Variants in TMEM114 observed in about 807,000 individuals in gnomAD.
TMEM114 encodes claudin-26.
A neutral mutation model predicts 6.2 loss-of-function variants in TMEM114; 6 were observed. The ratio of observed to expected loss-of-function variants is 0.97; its 90% CI spans 0.53 to 1.91. The LOEUF (loss-of-function observed/expected upper bound fraction) is 1.91, where lower values mean the gene tolerates loss of function less well. Among genes scored for constraint, TMEM114 ranks in the 40% most tolerant of loss-of-function variants. The pLI is 0.01. For missense variants in TMEM114, 218 were observed against 158.3 expected (o/e 1.38, Z -2.02); for synonymous variants, 104 against 73.0 (o/e 1.42, Z -2.16).
At chr16:8,532,300 G>A in the TMEM114 span, among the ~76,000 whole-genome samples, 1 of 152,092 alleles carries the variant, frequency 6.6e-6, no homozygotes, top group Non-Finnish European at 1.5e-5. Context: ...TCTGCCTCTA[G>A]CCCTCTGTGT....
At chr16:8,583,670 C>T (rs1902224970) in intron 2 of TMEM114, among the ~76,000 whole-genome samples, 1 of 152,002 alleles carries the variant, frequency 6.6e-6, no homozygotes, top group Non-Finnish European at 1.5e-5. Flanking sequence ...ATTGCTTGAG[C>T]CTGGGAGTTC....
At chr16:8,577,944 G>A (rs964003835) in intron 2 of TMEM114, among the ~76,000 whole-genome samples, 1 of 152,090 alleles carries the variant, frequency 6.6e-6, no homozygotes, top group Non-Finnish European at 1.5e-5. Flanking sequence ...ATGCCTTTGG[G>A]TCCCCAGTGA....
At chr16:8,550,522 T>C (rs1900806614) in intron 2 of TMEM114, among the ~76,000 whole-genome samples, 1 of 151,760 alleles carries the variant, frequency 6.6e-6, no homozygotes, top group African/African-American at 2.4e-5. Context: ...CTACTAAAAA[T>C]ACAAAATTAG....
At chr16:8,579,381 A>C (rs1902056180) in intron 2 of TMEM114, among the ~76,000 whole-genome samples, 1 of 152,172 alleles carries the variant, frequency 6.6e-6, no homozygotes, top group South Asian at 2.1e-4. Context: ...TGTCAGTGTG[A>C]CTTTGAGACT....
chr16:8,544,130 G>A (rs1900592838), intron 2 of TMEM114, among the ~76,000 whole-genome samples: 1 of 152,060 alleles, frequency 6.6e-6, no homozygotes, highest in Admixed American at 6.6e-5. Context: ...TTTGTTTTCT[G>A]TTTCCCATTT....
At position 8,570,016 on chromosome 16, in the gene TMEM114, G is replaced by A. The variant is rs1205223758; in HGVS notation, c.440-11C>T. 1 of 1,544,672 alleles carries A rather than the reference G, an allele frequency of 6.5e-7. No homozygotes were observed. Among genetic ancestry groups the A allele is most frequent in the Admixed American group, 2.0e-5 (1 of 50,838 alleles). ...CGAGGGTCACCATGGCTGCAGGGAG[G>A]GCAAAGGGAGAGCAGATCAATCCCC... On this transcript the variant is annotated splice_polypyrimidine_tract_variant and intron_variant, in intron 3 of 3. Coordinates refer to ENST00000620492, the MANE Select transcript of TMEM114 (RefSeq NM_001146336.2).
At chr16:8,549,780 G>T (rs752557727) in intron 2 of TMEM114, among the ~76,000 whole-genome samples, 2 of 152,136 alleles carry the variant, frequency 1.3e-5, no homozygotes, top group South Asian at 4.1e-4. Flanking sequence ...ACTTCTACCT[G>T]TATTAGTCAG....
At chr16:8,539,214 G>A (rs535686400) in intron 2 of TMEM114, among the ~76,000 whole-genome samples, 10 of 152,114 alleles carry the variant, frequency 6.6e-5, no homozygotes, top group Non-Finnish European at 1.0e-4. Flanking sequence ...AGGATCCCTG[G>A]GCCAACTGCC....
chr16:8,534,764 G>A (rs528264689), downstream of TMEM114, among the ~76,000 whole-genome samples: 31 of 152,310 alleles, frequency 2.0e-4, no homozygotes, highest in South Asian at 6.4e-3. Flanking sequence ...TTGAATTCAT[G>A]CAACTATCAT....
intron 2 of TMEM114, among the ~76,000 whole-genome samples, chr16:8,574,582 C>CTTTCTTTCTTTCTTTCT (rs1901853664): frequency 7.0e-6 from 1 of 142,462 alleles, no homozygotes; most frequent in African/African-American, 2.6e-5. Flanking sequence ...TCCTTCCTTC[C>CTTTCTTTCTTTCTTTCT]TTCTTTCTTT....
chr16:8,578,456 A>G (rs915361023), intron 2 of TMEM114, among the ~76,000 whole-genome samples: 6 of 152,172 alleles, frequency 3.9e-5, no homozygotes, highest in African/African-American at 4.8e-5. Flanking sequence ...GACATTTGTC[A>G]TAGGATTTAG....
At chr16:8,561,110 C>G (rs970486146) in intron 2 of TMEM114, among the ~76,000 whole-genome samples, 12 of 152,174 alleles carry the variant, frequency 7.9e-5, no homozygotes, top group Admixed American at 5.9e-4. Context: ...CACAGGGTCC[C>G]TCCTGGAATT....
At chr16:8,545,502 T>G (rs369453618) in intron 2 of TMEM114, among the ~76,000 whole-genome samples, 1 of 152,234 alleles carries the variant, frequency 6.6e-6, no homozygotes, top group African/African-American at 2.4e-5. Flanking sequence ...TGCTATCAAG[T>G]TACATTTTGA....
downstream of TMEM114, among the ~76,000 whole-genome samples, chr16:8,565,956 G>A (rs899695364): frequency 1.3e-5 from 2 of 152,092 alleles, no homozygotes; most frequent in African/African-American, 4.8e-5. Flanking sequence ...GAGTCCAAGT[G>A]GAATAAGAAA....
the TMEM114 span, among the ~76,000 whole-genome samples, chr16:8,528,212 T>C: frequency 4.6e-5 from 7 of 151,256 alleles, no homozygotes; most frequent in African/African-American, 1.7e-4. Context: ...AGTTTCCTGA[T>C]AGTTTCTGAT....
Position 8,545,933 on chromosome 16 carries a change from A to G in TMEM114, n.213-8107T>C, listed in dbSNP as rs150973208. ...AGTTTGAAACCAGCCTGGGCAACAT[A>G]GCAAGACCCTATCTCTACAGAAAAT... On this transcript the variant is annotated intron_variant and non_coding_transcript_variant, in intron 2 of 2. Transcript: ENST00000623677. Among the ~76,000 whole-genome samples the G allele has an allele frequency of 7.9e-3, 1,204 of 152,204 alleles. 11 individuals are homozygous for G. The highest frequency in any genetic ancestry group is 0.027 in the African/African-American group (1,130 of 41,524).
At chr16:8,529,224 C>G in the TMEM114 span, among the ~76,000 whole-genome samples, 1 of 152,180 alleles carries the variant, frequency 6.6e-6, no homozygotes, top group Non-Finnish European at 1.5e-5. Flanking sequence ...TCTCTTATCA[C>G]TAGCTTTCCA....
At chr16:8,559,515 C>T (rs918041364) in intron 2 of TMEM114, among the ~76,000 whole-genome samples, 9 of 152,182 alleles carry the variant, frequency 5.9e-5, no homozygotes, top group Non-Finnish European at 7.4e-5. Flanking sequence ...CCAGTGGGTG[C>T]AGGAGGGAGC....
intron 2 of TMEM114, among the ~76,000 whole-genome samples, chr16:8,547,119 G>A (rs1267606848): frequency 2.6e-5 from 4 of 152,152 alleles, no homozygotes; most frequent in Admixed American, 6.5e-5. Context: ...GGGATCGTGT[G>A]GTCTCATTGA....
Sources: allele counts gnomAD v4.1 joint callset (sites outside exome capture counted in the v4.1 genomes callset), GRCh38; gene constraint gnomAD v4.1.1; transcripts MANE v1.5; gene names NCBI Gene and HGNC (gene_info 2026-07-23, HGNC 2026-07-21).